The following DACH2 variants were observed in gnomAD, a reference collection of about 807,000 sequenced individuals.
DACH2 encodes the protein dachshund homolog 2.
A neutral mutation model predicts 35.8 loss-of-function variants in DACH2; 17 were observed. The observed-to-expected ratio is 0.48, with a 90% CI of 0.33 to 0.71. DACH2 has a LOEUF of 0.71. Among genes scored for constraint, DACH2 ranks in the 30% least tolerant of loss-of-function variants. The pLI is 0.02. For synonymous variants in DACH2, 195 were observed against 177.3 expected, an observed-to-expected ratio of 1.10 and a Z score of -0.79; for missense variants, 469 against 472.7, an observed-to-expected ratio of 0.99 and a Z score of 0.07.
intron 2 of DACH2, among the ~76,000 whole-genome samples, chrX:86,426,908 C>T (rs549524784): frequency 2.7e-5 from 3 of 112,104 alleles, no homozygotes; most frequent in African/African-American, 9.7e-5. Flanking sequence ...CCAATTAAAA[C>T]CCTCTAGAAA....
intron 1 of DACH2, among the ~76,000 whole-genome samples, chrX:86,248,664 T>C (rs1249894783): frequency 9.0e-6 from 1 of 110,929 alleles, no homozygotes; most frequent in Non-Finnish European, 1.9e-5. Context: ...AATCTACTAA[T>C]ACCATTTTTC....
At position 86,511,663 on chromosome X, in the gene DACH2, C is replaced by G. The variant is rs187338704; in HGVS notation, c.528-2616C>G. On this transcript the variant is annotated intron_variant, in intron 2 of 11. Transcript: ENST00000373125. Reference sequence around the variant, plus strand: ...TGTGTCACTGATACCTAGCATTATACCACACACACGCTTAATGGGTACCTA... The same window carrying G: ...TGTGTCACTGATACCTAGCATTATAGCACACACACGCTTAATGGGTACCTA... Among the ~76,000 whole-genome samples, 3 of 111,758 alleles carry G rather than the reference C, an allele frequency of 2.7e-5. No homozygotes were observed. The East Asian group carries it at 8.5e-4, about 32-fold the overall frequency.
chrX:86,774,585 T>TG (rs1328301934), intron 7 of DACH2, among the ~76,000 whole-genome samples: 1 of 111,784 alleles, frequency 8.9e-6, no homozygotes, highest in African/African-American at 3.3e-5. Context: ...TGTTATATTT[T>TG]GGGGGGTTTG....
At chrX:86,716,204 G>A (rs1194344413) in intron 6 of DACH2, among the ~76,000 whole-genome samples, 1 of 111,606 alleles carries the variant, frequency 9.0e-6, no homozygotes, top group Non-Finnish European at 1.9e-5. Flanking sequence ...AAAGCCTGTG[G>A]TTGATAATGG....
At chrX:86,160,038 A>G (rs1438724977) in intron 1 of DACH2, among the ~76,000 whole-genome samples, 2 of 105,831 alleles carry the variant, frequency 1.9e-5, no homozygotes, top group Non-Finnish European at 3.8e-5. Context: ...AAACTGCCAC[A>G]TGTAAAAAAA....
rs758314037 is a variant in DACH2, at chrX:86,651,063, C to T, written c.668C>T (p.Ala223Val). ...ATAACAGCTGCAGCGATGGCTGAGG[C>T]GATGAAACTTCAGAAGATGAAGCTT... ...TGITAAAMAE[A>V]MKLQKMKLMA... Residue 223 changes from alanine to valine, a missense_variant, in exon 4 of 12, where the codon GCG becomes GTG. Physicochemically the swap from Ala to Val is moderately conservative, Grantham distance 64. Coordinates refer to ENST00000373125, the MANE Select transcript of DACH2 (RefSeq NM_053281.3). The T allele has an allele frequency of 1.2e-5, 14 of 1,204,711 alleles. No individual in the cohort carries two copies. Among genetic ancestry groups the T allele is most frequent in the Admixed American group, 6.6e-5 (3 of 45,251 alleles).
At chrX:86,538,907 T>C (rs954107964) in intron 3 of DACH2, among the ~76,000 whole-genome samples, 6 of 111,386 alleles carry the variant, frequency 5.4e-5, no homozygotes, top group African/African-American at 9.8e-5. Flanking sequence ...ATGAGAAAGT[T>C]TGAAAGCTTC....
chrX:86,336,665 TCTC>T (rs1480706566), intron 1 of DACH2, among the ~76,000 whole-genome samples: 2 of 110,846 alleles, frequency 1.8e-5, no homozygotes, highest in Non-Finnish European at 3.8e-5. Flanking sequence ...GAATGCCTCT[TCTC>T]CTCCAAAGGA....
At position 86,372,002 on chromosome X, in the gene DACH2, G is replaced by A. The variant is rs189231113; in HGVS notation, c.489-4822G>A. 8.1e-5 allele frequency among the ~76,000 whole-genome samples: 9 copies of A among 111,103 alleles called. No homozygotes were observed. The South Asian group carries it at 1.5e-3, about 19-fold the overall frequency. On this transcript the variant is annotated intron_variant, in intron 1 of 11. Transcript: ENST00000373125. ...GATATTACCTGTGTGAGGGGCAACC[G>A]AAACCTAATTTAGTAGTCCCCAAAA...
chrX:86,712,941 T>C (rs2041295359), intron 5 of DACH2, among the ~76,000 whole-genome samples: 1 of 111,716 alleles, frequency 9.0e-6, no homozygotes, highest in African/African-American at 3.3e-5. Flanking sequence ...TTTATCCTTA[T>C]GTAATTCTGA....
intron 2 of DACH2, among the ~76,000 whole-genome samples, chrX:86,399,316 G>T (rs1259915872): frequency 9.0e-6 from 1 of 111,514 alleles, no homozygotes; most frequent in Non-Finnish European, 1.9e-5. Context: ...GCACACTGAT[G>T]GGTCTTGACT....
chrX:86,517,417 C>CT (rs761844006), intron 3 of DACH2, among the ~76,000 whole-genome samples: 6,860 of 95,664 alleles, frequency 0.072, 755 homozygotes, highest in African/African-American at 0.25. Flanking sequence ...CCTTTGCCCA[C>CT]TTTTTTTTTT....
chrX:86,150,031 A>G (rs974770106), intron 1 of DACH2, among the ~76,000 whole-genome samples: 1 of 112,222 alleles, frequency 8.9e-6, no homozygotes, highest in Non-Finnish European at 1.9e-5. Context: ...CCTCCTTCAT[A>G]TCACAGTTTA....
At chrX:86,279,624 A>G (rs1169002472) in intron 1 of DACH2, among the ~76,000 whole-genome samples, 1 of 111,083 alleles carries the variant, frequency 9.0e-6, no homozygotes, top group Non-Finnish European at 1.9e-5. Flanking sequence ...ACAAAGGATC[A>G]CAACTCCTTC....
At chrX:86,819,575 A>T (rs1426234995) in intron 11 of DACH2, among the ~76,000 whole-genome samples, 3 of 112,062 alleles carry the variant, frequency 2.7e-5, no homozygotes, top group African/African-American at 9.7e-5. Context: ...CTAACAAAGT[A>T]ATATTTCTTT....
chrX:86,638,249 G>GA (rs1239794977), intron 3 of DACH2, among the ~76,000 whole-genome samples: 5 of 111,676 alleles, frequency 4.5e-5, no homozygotes, highest in Admixed American at 9.5e-5. Flanking sequence ...CTCACCATAT[G>GA]AAAAAACTAG....
At chrX:86,595,603 A>G (rs1254869647) in intron 3 of DACH2, among the ~76,000 whole-genome samples, 2 of 110,843 alleles carry the variant, frequency 1.8e-5, no homozygotes, top group East Asian at 5.7e-4. Flanking sequence ...ATTGACTTTT[A>G]AAGTGATTAT....
At chrX:86,449,504 G>C (rs1001518889) in intron 2 of DACH2, among the ~76,000 whole-genome samples, 19 of 111,102 alleles carry the variant, frequency 1.7e-4, no homozygotes, top group Non-Finnish European at 1.9e-5. Flanking sequence ...ATTATTGAAG[G>C]GTAAGGACAT....
At chrX:86,157,176 A>C (rs1031116527) in intron 1 of DACH2, among the ~76,000 whole-genome samples, 1 of 111,641 alleles carries the variant, frequency 9.0e-6, no homozygotes, top group Non-Finnish European at 1.9e-5. Flanking sequence ...AATAAGCCAC[A>C]GTATTTTTAT....
Sources: gnomAD v4.1 joint callset for allele counts (sites outside exome capture counted in the v4.1 genomes callset) on GRCh38, gnomAD v4.1.1 for gene constraint, MANE v1.5 for transcripts, NCBI Gene and HGNC (gene_info 2026-07-23, HGNC 2026-07-21) for gene names.